IL2RB: variants seen among roughly 807,000 people sequenced by gnomAD.
The protein encoded by IL2RB is interleukin-2 receptor subunit beta.
In IL2RB, 17 loss-of-function variants were observed where a neutral mutation model predicts 44.2. The ratio of observed to expected loss-of-function variants is 0.38; its 90% CI spans 0.26 to 0.58. The LOEUF (loss-of-function observed/expected upper bound fraction) is 0.58. Ranked by LOEUF, IL2RB falls within the 20% of genes least tolerant of loss-of-function variation. The pLI, the probability that IL2RB is intolerant of heterozygous loss-of-function variation, is 0.63. For missense variants in IL2RB, 624 were observed against 685.5 expected, an observed-to-expected ratio of 0.91 and a Z score of 1.00; for synonymous variants, 286 against 297.9, an observed-to-expected ratio of 0.96 and a Z score of 0.41.
chr22:37,133,387 A>G (rs1477498987), intron 8 of IL2RB, among the ~76,000 whole-genome samples: 1 of 152,204 alleles, frequency 6.6e-6, no homozygotes, highest in African/African-American at 2.4e-5. Flanking sequence ...CCACTGCTCC[A>G]GGACGAGGGT....
chr22:37,142,874 C>CCA (rs1922035817), intron 3 of IL2RB: 2 of 380,220 alleles, frequency 5.3e-6, no homozygotes, highest in Admixed American at 8.0e-5. Context: ...GAATCACCAC[C>CCA]CACCCAGAAG....
At chr22:37,146,761 G>C (rs558057003) in intron 1 of IL2RB, among the ~76,000 whole-genome samples, 1 of 152,130 alleles carries the variant, frequency 6.6e-6, no homozygotes, top group South Asian at 2.1e-4. Flanking sequence ...GCACACAGTC[G>C]GTGCTCAATA....
At chr22:37,145,950 C>T (rs1362371809) in intron 1 of IL2RB, among the ~76,000 whole-genome samples, 1 of 152,160 alleles carries the variant, frequency 6.6e-6, no homozygotes, top group African/African-American at 2.4e-5. Context: ...GGGTCTTTCT[C>T]CAGCTCAGCC....
At position 37,128,271 on chromosome 22, in the gene IL2RB, C is replaced by G. The variant is rs751611989; in HGVS notation, c.1481G>C (p.Arg494Pro). The G allele has an allele frequency of 2.7e-6, 4 of 1,498,184 alleles. No homozygotes were observed. Among genetic ancestry groups the G allele is most frequent in the Non-Finnish European group, 3.6e-6 (4 of 1,124,800 alleles). The allele number at this position is 1,498,184 out of a possible 1,614,324, so 92.8% of individuals were successfully genotyped here. ...GTCAGGGACCTCCTCCCCAGCCTCT[C>G]GCAGCACCAGCTCAGGGGGTGGCTG... ...DFQPPPELVL[R>P]EAGEEVPDAG... The change falls in exon 10 of 10, where the codon CGA (arginine) becomes CCA (proline). Residue 494 changes from arginine to proline, a missense_variant. Coordinates refer to ENST00000216223, the MANE Select transcript of IL2RB (RefSeq NM_000878.5). This position sits in a 1 kb window ranked among gnomAD's most constrained non-coding sequence, Gnocchi z 4.5.
chr22:37,164,038 A>G (rs909267170), intron 1 of IL2RB, among the ~76,000 whole-genome samples: 7 of 152,334 alleles, frequency 4.6e-5, no homozygotes, highest in Non-Finnish European at 1.0e-4. Flanking sequence ...TGGGTTGCAC[A>G]TGGGACCTCT....
chr22:37,131,132 A>G (rs1304272664), intron 9 of IL2RB, among the ~76,000 whole-genome samples: 1 of 152,094 alleles, frequency 6.6e-6, no homozygotes, highest in Non-Finnish European at 1.5e-5. Context: ...GTGCCATTGC[A>G]CTCTAGCCTG....
intron 4 of IL2RB, among the ~76,000 whole-genome samples, chr22:37,142,032 G>T (rs1383265643): frequency 2.6e-5 from 4 of 151,998 alleles, no homozygotes; most frequent in African/African-American, 9.7e-5. Flanking sequence ...GGAGCATCCA[G>T]CTCCAGAGTC....
upstream of IL2RB, among the ~76,000 whole-genome samples, chr22:37,153,354 G>A (rs548546933): frequency 5.6e-4 from 85 of 152,312 alleles, no homozygotes; most frequent in Non-Finnish European, 1.0e-3. Context: ...TGCAAAGCCC[G>A]CTGCTGGAAA....
At chr22:37,158,576 G>A (rs2146260866) in intron 1 of IL2RB, among the ~76,000 whole-genome samples, 1 of 152,234 alleles carries the variant, frequency 6.6e-6, no homozygotes, top group South Asian at 2.1e-4. Context: ...AGGAAGGGGA[G>A]GCTCTCTGGG....
chr22:37,154,582 TTTTTTTG>T (rs1922612014), upstream of IL2RB, among the ~76,000 whole-genome samples: 1 of 151,582 alleles, frequency 6.6e-6, no homozygotes, highest in African/African-American at 2.4e-5. Context: ...TTTCTTTTTT[TTTTTTTG>T]TTTTTTAGAC....
Position 37,128,116 on chromosome 22 carries a change from C to G in IL2RB, c.1636G>C (p.Asp546His). The change falls in exon 10 of 10, where the codon GAC becomes CAC. Residue 546 changes from aspartate (D) to histidine (H), a missense_variant. Physicochemically the swap from Asp to His is moderately conservative, Grantham distance 81. Coordinates refer to ENST00000216223, the MANE Select transcript of IL2RB (RefSeq NM_000878.5). The surrounding 1 kb of genome is among the most constrained non-coding windows in gnomAD (Gnocchi z 4.5). ...TCTGTCTACACCAAGTGAGTTGGGT[C>G]CTGACCCTGGAGTTCTTGGAGGGAC... is the stretch of plus-strand genomic sequence containing the variant. ...YLSLQELQGQ[D>H]PTHLV The G allele has an allele frequency of 7.6e-6, 12 of 1,574,498 alleles. 1 individual carries two copies. Among genetic ancestry groups the G allele is most frequent in the Middle Eastern group, 1.7e-4 (1 of 5,900 alleles).
chr22:37,161,127 C>T (rs1922852745), intron 1 of IL2RB, among the ~76,000 whole-genome samples: 1 of 152,168 alleles, frequency 6.6e-6, no homozygotes, highest in African/African-American at 2.4e-5. Flanking sequence ...GGGCCACAGG[C>T]AAGACTCCAT....
intron 1 of IL2RB, among the ~76,000 whole-genome samples, chr22:37,165,890 C>T (rs1463390557): frequency 6.6e-6 from 1 of 152,154 alleles, no homozygotes; most frequent in Admixed American, 6.5e-5. Context: ...TACAGCATCT[C>T]CTCAAGAGGG....
At chr22:37,159,966 T>G (rs1922804548) in intron 1 of IL2RB, among the ~76,000 whole-genome samples, 1 of 152,236 alleles carries the variant, frequency 6.6e-6, no homozygotes, top group Non-Finnish European at 1.5e-5. Context: ...AACATGATTC[T>G]CTTGATATCA....
intron 1 of IL2RB, among the ~76,000 whole-genome samples, chr22:37,146,378 C>A (rs529765202): frequency 1.3e-5 from 2 of 152,296 alleles, no homozygotes; most frequent in South Asian, 4.1e-4. Flanking sequence ...GAGGTCAGCC[C>A]ACCCTTCCAG....
Position 37,128,835 on chromosome 22 carries a change from G to A in IL2RB, c.917C>T (p.Ser306Leu), listed in dbSNP as rs865902855. 6.9e-6 allele frequency: 11 copies of A among 1,604,030 alleles called. No individual in the cohort carries two copies. The highest frequency in any genetic ancestry group is 1.7e-4 in the Middle Eastern group (1 of 6,036). Residue 306 changes from serine to leucine, a missense_variant, in exon 10 of 10, where the codon TCG becomes TTG. Around this residue, in one of 3 missense-constraint regions of IL2RB, gnomAD observed 255 missense variants for 339.9 expected, o/e 0.75. Coordinates refer to ENST00000216223, the MANE Select transcript of IL2RB (RefSeq NM_000878.5). This position sits in a 1 kb window ranked among gnomAD's most constrained non-coding sequence, Gnocchi z 4.5. The part of the protein sequence containing the change: ...HGGDVQKWLS[S>L]PFPSSSFSPG... ...GCTGAAGGACGATGAGGGGAAGGGC[G>A]AAGAGAGCCACTTCTGGTGGGAGAA...
intron 1 of IL2RB, among the ~76,000 whole-genome samples, chr22:37,168,243 C>G (rs1463293629): frequency 1.3e-5 from 2 of 152,178 alleles, no homozygotes; most frequent in Admixed American, 1.3e-4. Context: ...AGAAAAAATA[C>G]TTTTTCAGGC....
intron 8 of IL2RB, among the ~76,000 whole-genome samples, chr22:37,135,051 C>T (rs1043458384): frequency 6.6e-6 from 1 of 152,178 alleles, no homozygotes; most frequent in Admixed American, 6.5e-5. Flanking sequence ...CACCTCCCAC[C>T]TTCCCCTCGG....
At chr22:37,150,568 C>T (rs150341851), upstream of IL2RB, among the ~76,000 whole-genome samples, 78 of 152,218 alleles carry the variant, frequency 5.1e-4, no homozygotes, top group Admixed American at 1.8e-3. Flanking sequence ...AGTATTTATC[C>T]TTTCTTTGTG....
Sources: gnomAD v4.1 joint callset for allele counts (sites outside exome capture counted in the v4.1 genomes callset) on GRCh38, gnomAD v4.1.1 for gene constraint, gnomAD v4.1.1 regional missense constraint, Gnocchi (gnomAD v3.1) non-coding constraint, MANE v1.5 for transcripts, NCBI Gene and HGNC (gene_info 2026-07-23, HGNC 2026-07-21) for gene names.